The following CHCHD2 variants were observed in gnomAD, a reference collection of about 807,000 sequenced individuals.
CHCHD2 encodes coiled-coil-helix-coiled-coil-helix domain containing 2.
Under a neutral mutation model 17.5 loss-of-function variants are expected in CHCHD2, and 17 were observed. The ratio of observed to expected loss-of-function variants is 0.97; its 90% CI spans 0.67 to 1.46. CHCHD2 has a LOEUF of 1.46. Among genes scored for constraint, CHCHD2 ranks in the 40% most tolerant of loss-of-function variants. The probability of loss-of-function intolerance (pLI) is 0.00; values close to 1 mark genes in which losing one functional copy is unlikely to be tolerated. For missense variants in CHCHD2, 175 were observed against 199.9 expected (o/e 0.88, Z 0.75); for synonymous variants, 63 against 74.3 (o/e 0.85, Z 0.78).
chr7:56,105,867 C>A (rs139102671), intron 1 of CHCHD2, among the ~76,000 whole-genome samples: 1 of 152,168 alleles, frequency 6.6e-6, no homozygotes, highest in African/African-American at 2.4e-5. Context: ...TCATTTTACA[C>A]ATTACAAAAC....
At chr7:56,102,713 GACTAGAAACCTCC>G in intron 3 of CHCHD2, 141 bp downstream of exon 3, 2 of 754,136 alleles carry the variant, frequency 2.7e-6, no homozygotes, top group Non-Finnish European at 2.1e-6. Context: ...TCATAAAAAT[GACTAGAAACCTCC>G]GGCCCAGTTG....
intron 1 of CHCHD2, among the ~76,000 whole-genome samples, chr7:56,104,761 C>T (rs567657602): frequency 6.6e-6 from 1 of 152,192 alleles, no homozygotes; most frequent in Non-Finnish European, 1.5e-5. Flanking sequence ...GCACCCGCGA[C>T]CACCTCCGGC....
In CHCHD2 at chr7:56,106,431, T is replaced by G. The variant is rs1458632643; in HGVS notation, c.-18A>C. The G allele has an allele frequency of 6.2e-7, 1 of 1,613,028 alleles. No individual in the cohort carries two copies. Among genetic ancestry groups the G allele is most frequent in the South Asian group, 1.1e-5 (1 of 91,034 alleles). On this transcript the variant is annotated 5_prime_UTR_variant, in exon 1 of 4. Transcript: ENST00000395422. ...CGCGGCATCCTAGGTAAGCGACGGC[T>G]AGGCCTCCGGACGTGGGACAACCAC...
intron 2 of CHCHD2, 141 bp from the exon 3 acceptor site, chr7:56,103,152 G>A: frequency 1.3e-6 from 1 of 791,712 alleles, no homozygotes; most frequent in Non-Finnish European, 2.0e-6. Flanking sequence ...CTATTAACAT[G>A]GGAAGTGAAA....
chr7:56,104,605 T>C, intron 1 of CHCHD2, 130 bp from the exon 2 acceptor site: 1 of 1,107,060 alleles, frequency 9.0e-7, no homozygotes. Context: ...TCATTTTCTC[T>C]CTTCAATTTT....
At chr7:56,102,011 C>A in intron 3 of CHCHD2, 150 bp from the exon 4 acceptor site, 2 of 739,868 alleles carry the variant, frequency 2.7e-6, no homozygotes, top group Non-Finnish European at 4.5e-6. Context: ...GAGATGAGGT[C>A]TTGCTATGTT....
At chr7:56,106,218 T>C in intron 1 of CHCHD2, 146 bp downstream of exon 1, 6 of 664,944 alleles carry the variant, frequency 9.0e-6, no homozygotes, top group Non-Finnish European at 1.5e-5. Flanking sequence ...ACATAGGCTT[T>C]ACGTTCAATC....
chr7:56,106,330 C>A, intron 1 of CHCHD2, 34 bp downstream of exon 1: 1 of 1,607,820 alleles, frequency 6.2e-7, no homozygotes, highest in African/African-American at 1.3e-5. Flanking sequence ...TCCGGACGGC[C>A]GCGCTTTGGT....
chr7:56,104,110 T>G, intron 2 of CHCHD2, 116 bp downstream of exon 2: 1 of 1,399,608 alleles, frequency 7.1e-7, no homozygotes, highest in East Asian at 2.3e-5. Flanking sequence ...CATTGTCTAT[T>G]AACAGCACAG....
chr7:56,106,374 G>T lies in CHCHD2; in HGVS notation c.40C>A (p.Pro14Thr). Residue 14 changes from proline (P) to threonine (T), a missense_variant, in exon 1 of 4, where the codon CCT becomes ACT. Coordinates refer to ENST00000395422, the MANE Select transcript of CHCHD2 (RefSeq NM_016139.4). The part of the protein sequence containing the change: ...GSRSRTSRMA[P>T]PASRAPQMRA... ...CTGCGATGGTCTCACCTGGCCGGAG[G>T]GGCCATGCGGGAGGTGCGGCTTCGG... is the stretch of plus-strand genomic sequence containing the variant. 6.2e-7 allele frequency: 1 copy of T among 1,613,438 alleles called. No individual in the cohort carries two copies. The highest frequency in any genetic ancestry group is 8.5e-7 in the Non-Finnish European group (1 of 1,179,638).
chr7:56,106,392 G>A lies in CHCHD2; in HGVS notation c.22C>T (p.Arg8Cys), dbSNP rs751783132. 2 of 1,613,476 alleles carry A rather than the reference G, an allele frequency of 1.2e-6. No homozygotes were observed. Among genetic ancestry groups the A allele is most frequent in the South Asian group, 1.1e-5 (1 of 91,016 alleles). Residue 8 changes from arginine (R) to cysteine (C), a missense_variant, in exon 1 of 4, where the codon CGC becomes TGC. By Grantham distance (180) the Arg-to-Cys change is radical (BLOSUM62 -3). Coordinates refer to ENST00000395422, the MANE Select transcript of CHCHD2 (RefSeq NM_016139.4). The stretch of plus-strand genomic sequence containing the variant: ...GCCGGAGGGGCCATGCGGGAGGTGC[G>A]GCTTCGGCTTCCACGCGGCATCCTA... MPRGSRS[R>C]TSRMAPPASR... is the part of the protein sequence containing the mutation.
At position 56,104,235 on chromosome 7, in the gene CHCHD2, G is replaced by A. The variant is rs1785339800; in HGVS notation, c.291C>T (p.Ile97=). The part of the protein sequence containing the change: ...GSNAEPARPD[I]TYQEPQGTQP... ...CTGCCTAAATTCCCACCTGGTAAGT[G>A]ATGTCAGGCCTCGCAGGCTCAGCAT... The change falls in exon 2 of 4, where the codon ATC becomes ATT. Residue 97 remains isoleucine (I), a synonymous_variant. Transcript: ENST00000395422. 6.2e-7 allele frequency: 1 copy of A among 1,613,010 alleles called. No homozygotes were observed. The highest frequency in any genetic ancestry group is 2.2e-5 in the East Asian group (1 of 44,836).
chr7:56,104,326 G>A lies in CHCHD2; in HGVS notation c.200C>T (p.Ala67Val). ...AQMATTAAGV[A>V]VGSAVGHTLG... ...TGTGTGCCCCACAGCAGAGCCCACA[G>A]CCACGCCAGCTGCAGTGGTTGCCAT... The change falls in exon 2 of 4, where the codon GCT becomes GTT. Residue 67 changes from alanine to valine, a missense_variant. Transcript: ENST00000395422. 6.2e-7 allele frequency: 1 copy of A among 1,613,634 alleles called. No individual in the cohort carries two copies. Among genetic ancestry groups the A allele is most frequent in the Non-Finnish European group, 8.5e-7 (1 of 1,179,638 alleles).
chr7:56,104,174 G>C (rs1785338102), intron 2 of CHCHD2, 52 bp downstream of exon 2: 2 of 1,598,284 alleles, frequency 1.3e-6, no homozygotes, highest in Non-Finnish European at 1.7e-6. Flanking sequence ...CAAACGTCTG[G>C]CTTTTCTCAT....
chr7:56,102,048 C>T (rs1785294576), intron 3 of CHCHD2, among the ~76,000 whole-genome samples, 187 bp from the exon 4 acceptor site: 1 of 151,398 alleles, frequency 6.6e-6, no homozygotes, highest in Admixed American at 6.6e-5. Flanking sequence ...AACTCCTGGA[C>T]TCAAGCAATC....
In CHCHD2 at chr7:56,106,401, T is replaced by C. The variant is rs752705344; in HGVS notation, c.13A>G (p.Ser5Gly). The C allele has an allele frequency of 1.2e-6, 2 of 1,613,488 alleles. No homozygotes were observed. Among genetic ancestry groups the C allele is most frequent in the Non-Finnish European group, 1.7e-6 (2 of 1,179,738 alleles). The change falls in exon 1 of 4, where the codon AGC (serine) becomes GGC (glycine). Residue 5 changes from serine (S) to glycine (G), a missense_variant. Transcript: ENST00000395422. The part of the protein sequence containing the change: MPRG[S>G]RSRTSRMAPP... ...GCCATGCGGGAGGTGCGGCTTCGGCTTCCACGCGGCATCCTAGGTAAGCGA... is the reference window on the plus strand; with the variant it reads ...GCCATGCGGGAGGTGCGGCTTCGGCCTCCACGCGGCATCCTAGGTAAGCGA...
chr7:56,103,357 G>A (rs1322644857), intron 2 of CHCHD2, among the ~76,000 whole-genome samples: 1 of 152,192 alleles, frequency 6.6e-6, no homozygotes, highest in Admixed American at 6.6e-5. Flanking sequence ...GCAGGCACCT[G>A]TAATCCCAGC....
Position 56,106,402 on chromosome 7 carries a change from TC to T in CHCHD2, c.11del (p.Gly4GlufsTer19). Reference protein sequence around the residue: MPRGSRSRTSRMAP... With the variant: MPRXSRSRTSRMAP... The stretch of plus-strand genomic sequence containing the variant: ...CCATGCGGGAGGTGCGGCTTCGGCT[TC>T]CACGCGGCATCCTAGGTAAGCGACG... On this transcript the variant is annotated frameshift_variant, in exon 1 of 4. Transcript: ENST00000395422. LOFTEE classifies it high-confidence loss of function. The T allele has an allele frequency of 6.2e-7, 1 of 1,613,490 alleles. No individual in the cohort carries two copies. The highest frequency in any genetic ancestry group is 8.5e-7 in the Non-Finnish European group (1 of 1,179,744).
intron 1 of CHCHD2, among the ~76,000 whole-genome samples, chr7:56,105,329 T>C (rs1785363042): frequency 6.6e-6 from 1 of 152,212 alleles, no homozygotes; most frequent in South Asian, 2.1e-4. Flanking sequence ...ATCCAACATG[T>C]CATAAGAAAT....
Sources: allele counts gnomAD v4.1 joint callset (sites outside exome capture counted in the v4.1 genomes callset), GRCh38; gene constraint gnomAD v4.1.1; transcripts MANE v1.5; gene names NCBI Gene and HGNC (gene_info 2026-07-23, HGNC 2026-07-21).